The following ITPR3 variants were observed in gnomAD, a reference collection of about 807,000 sequenced individuals.
ITPR3 encodes the protein inositol 1,4,5-trisphosphate receptor type 3.
A neutral mutation model predicts 293.2 loss-of-function variants in ITPR3; 173 were observed. That is an observed-to-expected ratio of 0.59 (90% CI 0.52 to 0.67). The LOEUF (loss-of-function observed/expected upper bound fraction) is 0.67, where lower values mean the gene tolerates loss of function less well. Among genes scored for constraint, ITPR3 ranks in the 30% least tolerant of loss-of-function variants. ITPR3 has a pLI of 0.00. For synonymous variants in ITPR3, 1,295 were observed against 1,444.4 expected (o/e 0.90, Z 2.35); for missense variants, 2,796 against 3,592.1 (o/e 0.78, Z 5.66).
chr6:33,684,353 T>C lies in ITPR3; in HGVS notation c.4938-4T>C. The C allele has an allele frequency of 1.2e-6, 2 of 1,613,640 alleles. No individual in the cohort carries two copies. Among genetic ancestry groups the C allele is most frequent in the Non-Finnish European group, 1.7e-6 (2 of 1,179,782 alleles). On this transcript the variant is annotated splice_region_variant and splice_polypyrimidine_tract_variant and intron_variant, in intron 36 of 57. Coordinates refer to ENST00000605930, the MANE Select transcript of ITPR3 (RefSeq NM_002224.4). The surrounding 1 kb of genome is among the most constrained non-coding windows in gnomAD (Gnocchi z 4.2). ...GCCCTGAGCTGCCTCCTTGGCCGGC[T>C]CAGGCTGATCCAGCACACCAAGGAC...
At chr6:33,625,532 A>G (rs1203454640) in intron 1 of ITPR3, among the ~76,000 whole-genome samples, 1 of 152,130 alleles carries the variant, frequency 6.6e-6, no homozygotes, top group Admixed American at 6.5e-5. Flanking sequence ...CCTGGCGAAG[A>G]TCTCTTATGA....
At chr6:33,649,409 G>A (rs1764138980) in intron 2 of ITPR3, among the ~76,000 whole-genome samples, 1 of 151,914 alleles carries the variant, frequency 6.6e-6, no homozygotes, top group Non-Finnish European at 1.5e-5. Context: ...ATTTTTGGTA[G>A]AGACTGAGTT....
chr6:33,684,030 C>T lies in ITPR3; in HGVS notation c.4799C>T (p.Thr1600Ile), dbSNP rs765636504. Reference protein sequence around the residue: ...NIIEKLQDIITALEERLKPLV... With the variant: ...NIIEKLQDIIIALEERLKPLV... ...CCCTGCCCACCCCAGGACATCATCA[C>T]AGCCCTGGAGGAGCGGCTGAAGCCC... is the stretch of plus-strand genomic sequence containing the variant. The change falls in exon 36 of 58, where the codon ACA becomes ATA. Residue 1600 changes from threonine to isoleucine, a missense_variant. Thr to Ile is a moderately conservative substitution (Grantham distance 89). Coordinates refer to ENST00000605930, the MANE Select transcript of ITPR3 (RefSeq NM_002224.4). The surrounding 1 kb of genome is among the most constrained non-coding windows in gnomAD (Gnocchi z 4.2). 1.9e-6 allele frequency: 3 copies of T among 1,607,140 alleles called. No homozygotes were observed. The highest frequency in any genetic ancestry group is 1.1e-5 in the South Asian group (1 of 90,730).
At chr6:33,676,195 T>C (rs778477706) in intron 25 of ITPR3, among the ~76,000 whole-genome samples, 7 of 152,240 alleles carry the variant, frequency 4.6e-5, no homozygotes, top group African/African-American at 1.7e-4. Flanking sequence ...CTGTGAAATA[T>C]CAATACCAGT....
Position 33,648,923 on chromosome 6 carries a change from G to A in ITPR3, c.161-6843G>A, listed in dbSNP as rs140786775. On this transcript the variant is annotated intron_variant, in intron 2 of 57. Coordinates refer to ENST00000605930, the MANE Select transcript of ITPR3 (RefSeq NM_002224.4). The stretch of plus-strand genomic sequence containing the variant: ...ATGTGTATTTTTTTTTTTCCAAGAC[G>A]GAGTCTCGCTCTGTCTTCCAGGCTG... Among the ~76,000 whole-genome samples the A allele has an allele frequency of 2.9e-3, 435 of 150,614 alleles. 3 individuals are homozygous for A. The highest frequency in any genetic ancestry group is 8.8e-3 in the Admixed American group (133 of 15,162).
chr6:33,685,662 G>A lies in ITPR3; in HGVS notation c.5502G>A (p.Ser1834=), dbSNP rs758153394. The change falls in exon 41 of 58, where the codon TCG becomes TCA. Residue 1834 remains serine (S), a synonymous_variant. Transcript: ENST00000605930. ...CCACAGGCCGCGTGGCCTCCTTCTC[G>A]ATACCTGGCTCCTCATCCCGCTACT... ...PTTKGRVASF[S]IPGSSSRYSL... is the part of the protein sequence containing the mutation. 13 of 1,589,942 alleles carry A rather than the reference G, an allele frequency of 8.2e-6. No homozygotes were observed. Among genetic ancestry groups the A allele is most frequent in the Admixed American group, 6.9e-5 (4 of 58,330 alleles).
intron 17 of ITPR3, 111 bp downstream of exon 17, chr6:33,668,745 G>A (rs528708531): frequency 2.8e-5 from 42 of 1,519,414 alleles, no homozygotes; most frequent in Admixed American, 5.2e-5. Flanking sequence ...CTTGCTCTCT[G>A]CAGCTGTGAA....
chr6:33,673,461 C>T, intron 22 of ITPR3, 130 bp from the exon 23 acceptor site: 11 of 1,167,172 alleles, frequency 9.4e-6, no homozygotes, highest in Non-Finnish European at 1.3e-5. Flanking sequence ...GTGCTGAGGA[C>T]CCTGCTGCCC....
At position 33,687,836 on chromosome 6, in the gene ITPR3, T is replaced by C. The variant is rs1311571014; in HGVS notation, c.6265-221T>C. ...GGCAGGACTGAGGAGGCCCCCGCTA[T>C]CCTCTGGGATTCTCTGGTCATGGCT... On this transcript the variant is annotated intron_variant, in intron 46 of 57. Transcript: ENST00000605930. This position sits in a 1 kb window ranked among gnomAD's most constrained non-coding sequence, Gnocchi z 5.3. 6.6e-6 allele frequency among the ~76,000 whole-genome samples: 1 copy of C among 152,132 alleles called. No individual in the cohort carries two copies. The highest frequency in any genetic ancestry group is 6.5e-5 in the Admixed American group (1 of 15,274).
intron 2 of ITPR3, among the ~76,000 whole-genome samples, chr6:33,652,773 A>G (rs947712253): frequency 2.4e-4 from 36 of 151,948 alleles, no homozygotes; most frequent in African/African-American, 7.3e-4. Context: ...CTATATATCC[A>G]TATTTATATA....
At chr6:33,653,996 G>C (rs1451684478) in intron 2 of ITPR3, among the ~76,000 whole-genome samples, 2 of 152,182 alleles carry the variant, frequency 1.3e-5, no homozygotes, top group South Asian at 2.1e-4. Flanking sequence ...TGCCGGGCGT[G>C]GTGGCTCACG....
intron 6 of ITPR3, 92 bp downstream of exon 6, chr6:33,659,211 C>T: frequency 8.1e-7 from 1 of 1,235,086 alleles, no homozygotes; most frequent in Non-Finnish European, 1.2e-6. Flanking sequence ...GTCTCTGCCT[C>T]CAGCCCCATC....
chr6:33,686,081 C>A lies in ITPR3; in HGVS notation c.5696C>A (p.Thr1899Asn), dbSNP rs1470102686. The change falls in exon 42 of 58, where the codon ACC becomes AAC. Residue 1899 changes from threonine to asparagine, a missense_variant. Thr to Asn is a moderately conservative substitution (Grantham distance 65). Around this residue, in one of 8 missense-constraint regions of ITPR3, gnomAD observed 704 missense variants for 797.5 expected, o/e 0.88. Coordinates refer to ENST00000605930, the MANE Select transcript of ITPR3 (RefSeq NM_002224.4). Reference sequence around the variant, plus strand: ...TTCCTGCGCTGTCAGAACAACAAAACCAACTACAACTTGGTATGCGAGACG... The same window carrying A: ...TTCCTGCGCTGTCAGAACAACAAAAACAACTACAACTTGGTATGCGAGACG... ...QNFLRCQNNK[T>N]NYNLVCETLQ... The A allele has an allele frequency of 3.1e-6, 5 of 1,614,080 alleles. No individual in the cohort carries two copies. Among genetic ancestry groups the A allele is most frequent in the Non-Finnish European group, 4.2e-6 (5 of 1,180,064 alleles).
At chr6:33,677,383 G>C in intron 27 of ITPR3, 121 bp from the exon 28 acceptor site, 1 of 1,385,850 alleles carries the variant, frequency 7.2e-7, no homozygotes, top group Non-Finnish European at 9.9e-7. Flanking sequence ...CTGATTCAGC[G>C]CCTGTGACCT....
Position 33,676,911 on chromosome 6 carries a change from C to T in ITPR3, c.3426C>T (p.Gly1142=), listed in dbSNP as rs139377086. 2.4e-5 allele frequency: 38 copies of T among 1,614,020 alleles called. No individual in the cohort carries two copies. Among genetic ancestry groups the T allele is most frequent in the Admixed American group, 1.7e-4 (10 of 60,024 alleles). The part of the protein sequence containing the change: ...GSGKGEEVEA[G]AAKDKKERPT... ...GCAAGGGTGAGGAGGTGGAGGCAGG[C>T]GCCGCCAAGGACAAGAAAGAGGTAA... Residue 1142 remains glycine, a synonymous_variant, in exon 26 of 58, where the codon GGC becomes GGT. Coordinates refer to ENST00000605930, the MANE Select transcript of ITPR3 (RefSeq NM_002224.4).
chr6:33,642,413 AAG>A (rs949046379), intron 2 of ITPR3, among the ~76,000 whole-genome samples: 3 of 151,800 alleles, frequency 2.0e-5, no homozygotes, highest in South Asian at 2.1e-4. Flanking sequence ...GACAGAGAGA[AAG>A]AGAGAGAGAG....
chr6:33,629,907 G>A (rs1763634535), intron 1 of ITPR3, among the ~76,000 whole-genome samples: 1 of 152,076 alleles, frequency 6.6e-6, no homozygotes, highest in African/African-American at 2.4e-5. Flanking sequence ...CCTGGCCAAC[G>A]TGGTGAAACT....
intron 48 of ITPR3, 94 bp downstream of exon 48, chr6:33,688,525 C>T (rs562544331): frequency 6.7e-6 from 10 of 1,501,242 alleles, no homozygotes; most frequent in East Asian, 2.4e-5. Context: ...GGGTGCCCTG[C>T]GCCCAACCCC....
Position 33,671,178 on chromosome 6 carries a change from C to A in ITPR3, c.2600C>A (p.Ala867Glu), listed in dbSNP as rs749277906. The A allele has an allele frequency of 6.2e-7, 1 of 1,613,636 alleles. No homozygotes were observed. The highest frequency in any genetic ancestry group is 8.5e-7 in the Non-Finnish European group (1 of 1,179,884). The change falls in exon 21 of 58, where the codon GCG becomes GAG. Residue 867 changes from alanine (A) to glutamate (E), a missense_variant. Ala to Glu is a moderately radical substitution (Grantham distance 107). Coordinates refer to ENST00000605930, the MANE Select transcript of ITPR3 (RefSeq NM_002224.4). The part of the protein sequence containing the change: ...NKLTFEVVSL[A>E]HNLIYFGFYS... ...CCCCCTTCGCAGGTGGTCAGCCTGG[C>A]GCACAATCTCATCTACTTCGGCTTC...
Sources: allele counts gnomAD v4.1 joint callset (sites outside exome capture counted in the v4.1 genomes callset), GRCh38; gene constraint gnomAD v4.1.1; regional missense constraint gnomAD v4.1.1; non-coding constraint Gnocchi (gnomAD v3.1); transcripts MANE v1.5; gene names NCBI Gene and HGNC (gene_info 2026-07-23, HGNC 2026-07-21).